Variants in CCSER1 observed in about 807,000 individuals in gnomAD.
The protein encoded by CCSER1 is coiled-coil serine rich protein 1.
CCSER1 carries 41 observed loss-of-function variants against 82.0 expected under a neutral mutation model. That is an observed-to-expected ratio of 0.50 (90% CI 0.39 to 0.65). The LOEUF is 0.65. CCSER1 is among the 30% of genes least tolerant of loss of function. The probability of loss-of-function intolerance (pLI) is 0.00; values close to 1 mark genes in which losing one functional copy is unlikely to be tolerated. For synonymous variants in CCSER1, 414 were observed against 383.9 expected (o/e 1.08, Z -0.92); for missense variants, 1,119 against 1,064.2 (o/e 1.05, Z -0.72).
chr4:91,493,523 TA>T (rs557757417), intron 10 of CCSER1, among the ~76,000 whole-genome samples: 31 of 151,962 alleles, frequency 2.0e-4, no homozygotes, highest in African/African-American at 7.5e-4. Flanking sequence ...CAATTACAAT[TA>T]AAAAGGCAAT....
At chr4:90,629,312 G>A (rs907941677) in intron 6 of CCSER1, among the ~76,000 whole-genome samples, 2 of 152,142 alleles carry the variant, frequency 1.3e-5, no homozygotes, top group African/African-American at 4.8e-5. Flanking sequence ...TGCTAATAAA[G>A]ACATACCTGA....
intron 10 of CCSER1, among the ~76,000 whole-genome samples, chr4:91,133,258 G>C (rs72669227): frequency 0.12 from 17,108 of 148,176 alleles, 1,254 homozygotes; most frequent in East Asian, 0.27. Context: ...GCTTTTTCTT[G>C]TTTTCTTTCC....
rs554825534 is a variant in CCSER1 at position 90,507,661 on chromosome 4, G to T, written c.1724+39307G>T. On this transcript the variant is annotated intron_variant, in intron 5 of 10. Transcript: ENST00000509176. ...GAATATTGGAGAGAAAGAGATAAAG[G>T]TATGATTTTATGTATATCCATTACC... Among the ~76,000 whole-genome samples the T allele has an allele frequency of 3.9e-5, 6 of 152,084 alleles. No individual in the cohort carries two copies. The South Asian group carries it at 1.2e-3, about 32-fold the overall frequency.
At chr4:90,980,380 T>C (rs1451085100) in intron 9 of CCSER1, among the ~76,000 whole-genome samples, 1 of 151,840 alleles carries the variant, frequency 6.6e-6, no homozygotes, top group Non-Finnish European at 1.5e-5. Flanking sequence ...CTGTAGGAGA[T>C]AAGTCATCTA....
At chr4:91,113,849 CAT>C (rs1491176955) in intron 10 of CCSER1, among the ~76,000 whole-genome samples, 4 of 119,476 alleles carry the variant, frequency 3.3e-5, no homozygotes, top group Non-Finnish European at 7.3e-5. Flanking sequence ...TTGATATCTA[CAT>C]TTTTTTTTTT....
intron 10 of CCSER1, among the ~76,000 whole-genome samples, chr4:91,177,505 T>C (rs933354932): frequency 2.0e-5 from 3 of 152,216 alleles, no homozygotes; most frequent in African/African-American, 7.2e-5. Flanking sequence ...GAGCCTGTTA[T>C]TGGTCTATTC....
intron 10 of CCSER1, among the ~76,000 whole-genome samples, chr4:91,249,768 A>C (rs529570119): frequency 2.6e-5 from 4 of 152,076 alleles, no homozygotes; most frequent in Non-Finnish European, 4.4e-5. Flanking sequence ...AATATCTATT[A>C]AGTTTCTCCT....
intron 3 of CCSER1, among the ~76,000 whole-genome samples, chr4:90,391,272 CAAA>C (rs1215360899): frequency 8.6e-5 from 3 of 35,034 alleles, no homozygotes; most frequent in Admixed American, 3.0e-4. Context: ...GACTCTGTCT[CAAA>C]AAAAAAAAAA....
chr4:90,319,269 G>T (rs549924900), intron 3 of CCSER1, among the ~76,000 whole-genome samples: 1 of 152,050 alleles, frequency 6.6e-6, no homozygotes, highest in Non-Finnish European at 1.5e-5. Flanking sequence ...TGTACAATCC[G>T]CCAAGCAAAA....
At chr4:90,959,423 A>G (rs1733836976) in intron 9 of CCSER1, among the ~76,000 whole-genome samples, 1 of 152,206 alleles carries the variant, frequency 6.6e-6, no homozygotes, top group African/African-American at 2.4e-5. Context: ...GTAAATTCTT[A>G]TATAAACAAA....
At chr4:91,152,629 T>A (rs1325136848) in intron 10 of CCSER1, among the ~76,000 whole-genome samples, 2 of 152,192 alleles carry the variant, frequency 1.3e-5, no homozygotes, top group African/African-American at 4.8e-5. Flanking sequence ...GTCTTCACAA[T>A]TTGGCATGTT....
intron 1 of CCSER1, among the ~76,000 whole-genome samples, chr4:90,136,118 T>C (rs1199012218): frequency 6.6e-6 from 1 of 152,206 alleles, no homozygotes; most frequent in Non-Finnish European, 1.5e-5. Context: ...TTGACGAAAT[T>C]TATTCCACAC....
chr4:90,684,039 C>G (rs1462628493), intron 6 of CCSER1, among the ~76,000 whole-genome samples: 2 of 152,158 alleles, frequency 1.3e-5, no homozygotes, highest in African/African-American at 2.4e-5. Context: ...AGAGAATGCT[C>G]TGAGGTTGAT....
At chr4:91,479,406 T>A (rs1757768571) in intron 10 of CCSER1, among the ~76,000 whole-genome samples, 1 of 151,744 alleles carries the variant, frequency 6.6e-6, no homozygotes, top group Admixed American at 6.6e-5. Flanking sequence ...GATCCTCATT[T>A]TGAAAATAAT....
intron 10 of CCSER1, among the ~76,000 whole-genome samples, chr4:91,152,677 T>G (rs1006732107): frequency 3.3e-5 from 5 of 152,214 alleles, no homozygotes; most frequent in African/African-American, 1.2e-4. Context: ...TTTCCATGTT[T>G]AGTGCTTCCT....
chr4:90,530,789 T>C (rs1034241420), intron 5 of CCSER1, among the ~76,000 whole-genome samples: 43 of 152,258 alleles, frequency 2.8e-4, no homozygotes, highest in African/African-American at 9.6e-4. Context: ...TTCAGGGTCT[T>C]ATCTGCTCCT....
chr4:91,155,808 C>T (rs1044323544), intron 10 of CCSER1, among the ~76,000 whole-genome samples: 12 of 151,660 alleles, frequency 7.9e-5, no homozygotes, highest in Admixed American at 2.0e-4. Context: ...AATGTAACAT[C>T]GATATATACA....
chr4:91,045,390 T>A (rs911919797), intron 9 of CCSER1, among the ~76,000 whole-genome samples: 24 of 152,204 alleles, frequency 1.6e-4, no homozygotes, highest in African/African-American at 5.1e-4. Flanking sequence ...ATTTGGCATA[T>A]TTTTGTAGAT....
intron 10 of CCSER1, among the ~76,000 whole-genome samples, chr4:91,478,258 A>G (rs752321877): frequency 2.0e-5 from 3 of 151,934 alleles, no homozygotes; most frequent in Non-Finnish European, 4.4e-5. Flanking sequence ...AATTAGAACT[A>G]TTCAACTACA....
Sources: allele counts gnomAD v4.1 joint callset (sites outside exome capture counted in the v4.1 genomes callset), GRCh38; gene constraint gnomAD v4.1.1; transcripts MANE v1.5; gene names NCBI Gene and HGNC (gene_info 2026-07-23, HGNC 2026-07-21).